The following CDC20B variants were observed in gnomAD, a reference collection of about 807,000 sequenced individuals.
CDC20B encodes the protein cell division cycle protein 20 homolog B.
In CDC20B, 58 loss-of-function variants were observed where a neutral mutation model predicts 64.1. That is an observed-to-expected ratio of 0.90 (90% CI 0.73 to 1.13). The LOEUF is 1.13. Among genes scored for constraint, CDC20B ranks in the 50% most tolerant of loss-of-function variants. The pLI, the probability that CDC20B is intolerant of heterozygous loss-of-function variation, is 0.00. For missense variants in CDC20B, 597 were observed against 633.0 expected (o/e 0.94, Z 0.61); for synonymous variants, 243 against 230.6 (o/e 1.05, Z -0.49).
intron 2 of CDC20B, among the ~76,000 whole-genome samples, chr5:55,149,600 A>G (rs1743601391): frequency 6.6e-6 from 1 of 152,246 alleles, no homozygotes; most frequent in African/African-American, 2.4e-5. Flanking sequence ...GAAAGAAGCC[A>G]GACAGGAAAG....
At chr5:55,141,619 C>T (rs1465003109) in intron 4 of CDC20B, among the ~76,000 whole-genome samples, 1 of 152,188 alleles carries the variant, frequency 6.6e-6, no homozygotes, top group Non-Finnish European at 1.5e-5. Context: ...AGCCATGTTC[C>T]TTACACTCTG....
In CDC20B at chr5:55,120,429, G is replaced by A; in HGVS notation, c.1337C>T (p.Ser446Leu). Reference protein sequence around the residue: ...GKSIQTPSTNSQICSLIWLPK... With the variant: ...GKSIQTPSTNLQICSLIWLPK... ...AAGCCCAGAGGAGATATTAACCTGT[G>A]AGTTTGTGCTTGGGGTCTGGATGCT... The change falls in exon 10 of 12, where the codon TCA becomes TTA. Residue 446 changes from serine (S) to leucine (L), a missense_variant. Coordinates refer to ENST00000381375, the MANE Select transcript of CDC20B (RefSeq NM_001170402.1). The A allele has an allele frequency of 6.2e-7, 1 of 1,613,680 alleles. No homozygotes were observed. Among genetic ancestry groups the A allele is most frequent in the South Asian group, 1.1e-5 (1 of 91,072 alleles).
chr5:55,121,835 A>G (rs1040554930), intron 9 of CDC20B, among the ~76,000 whole-genome samples: 1 of 152,150 alleles, frequency 6.6e-6, no homozygotes, highest in African/African-American at 2.4e-5. Flanking sequence ...CTGTGTATTT[A>G]TGTTCCTCTA....
chr5:55,122,958 A>G (rs192285730), intron 9 of CDC20B, among the ~76,000 whole-genome samples: 1 of 152,352 alleles, frequency 6.6e-6, no homozygotes, highest in African/African-American at 2.4e-5. Flanking sequence ...AAGATAATGA[A>G]ATGATTATTG....
At chr5:55,145,300 T>C (rs1053743938) in intron 3 of CDC20B, among the ~76,000 whole-genome samples, 10 of 152,228 alleles carry the variant, frequency 6.6e-5, no homozygotes, top group African/African-American at 1.4e-4. Flanking sequence ...GGAATTTCAT[T>C]GATTTGAAAA....
chr5:55,173,176 G>A lies in CDC20B; in HGVS notation c.-176C>T, dbSNP rs1744684352. The stretch of plus-strand genomic sequence containing the variant: ...GTCCCCCACTCCTCCCACCGCCGCT[G>A]CAAGGTGTTCCCCAGGGTACCATTT... On this transcript the variant is annotated 5_prime_UTR_variant, in exon 1 of 12. Transcript: ENST00000381375. The A allele has an allele frequency of 1.7e-5, 10 of 588,608 alleles. No homozygotes were observed. In the South Asian group the frequency reaches 1.8e-4, roughly 11 times the overall value. The allele number at this position is 588,608 out of a possible 1,614,324, so 36.5% of individuals were successfully genotyped here. A position where few individuals can be genotyped will look rare whatever the true frequency, so the allele number is the denominator to read the frequency against.
chr5:55,134,459 G>A (rs1055805739), intron 5 of CDC20B, among the ~76,000 whole-genome samples: 3 of 152,092 alleles, frequency 2.0e-5, no homozygotes, highest in African/African-American at 7.2e-5. Flanking sequence ...AATACCCAAA[G>A]AATGAACAAA....
At chr5:55,154,714 C>T (rs894542654) in intron 2 of CDC20B, among the ~76,000 whole-genome samples, 4 of 152,114 alleles carry the variant, frequency 2.6e-5, no homozygotes, top group African/African-American at 9.7e-5. Flanking sequence ...CTCTCAGTCC[C>T]TGCACTAGGG....
At chr5:55,152,821 C>T (rs1320785454) in intron 2 of CDC20B, among the ~76,000 whole-genome samples, 1 of 152,026 alleles carries the variant, frequency 6.6e-6, no homozygotes, top group African/African-American at 2.4e-5. Context: ...ATCTAGAAAC[C>T]CCATAATGAA....
At chr5:55,122,383 T>C (rs921855801) in intron 9 of CDC20B, among the ~76,000 whole-genome samples, 1 of 151,976 alleles carries the variant, frequency 6.6e-6, no homozygotes, top group Non-Finnish European at 1.5e-5. Context: ...GCGATCCACC[T>C]ACCTCAGCCT....
chr5:55,119,442 T>C (rs1030535684), intron 11 of CDC20B, among the ~76,000 whole-genome samples: 46 of 152,320 alleles, frequency 3.0e-4, no homozygotes, highest in African/African-American at 1.0e-3. Flanking sequence ...TGACACATAA[T>C]GTCTTGCCCT....
rs777145572 is a variant in CDC20B at position 55,114,270 on chromosome 5, C to A, written c.1508G>T (p.Arg503Leu). The stretch of plus-strand genomic sequence containing the variant: ...CCCATCAGCTGCAGCAGAAAACACC[C>A]GGGTCTGGTCTGGACTCAAAGACAG... ...LHLSLSPDQT[R>L]VFSAAADGTA... The change falls in exon 12 of 12, where the codon CGG becomes CTG. Residue 503 changes from arginine to leucine, a missense_variant. Physicochemically the swap from Arg to Leu is moderately radical, Grantham distance 102. Transcript: ENST00000381375. This position sits in a 1 kb window ranked among gnomAD's most constrained non-coding sequence, Gnocchi z 4.1. The A allele has an allele frequency of 6.2e-7, 1 of 1,613,962 alleles. No individual in the cohort carries two copies. Among genetic ancestry groups the A allele is most frequent in the Admixed American group, 1.7e-5 (1 of 60,018 alleles).
At chr5:55,165,800 T>C (rs1385979363) in intron 2 of CDC20B, 1 of 152,228 alleles carries the variant, frequency 6.6e-6, no homozygotes, top group Non-Finnish European at 1.5e-5. Context: ...TTAAGTACCT[T>C]ATTTCAGTTT....
intron 2 of CDC20B, among the ~76,000 whole-genome samples, chr5:55,151,812 G>A (rs951956283): frequency 5.9e-5 from 9 of 152,212 alleles, no homozygotes; most frequent in Admixed American, 4.6e-4. Context: ...CCTTCCTCCC[G>A]ATTCCAAACT....
chr5:55,164,336 A>C (rs1744264343), intron 2 of CDC20B: 2 of 625,054 alleles, frequency 3.2e-6, no homozygotes, highest in Non-Finnish European at 4.9e-6. Context: ...GGAGTGCAGT[A>C]GTGCGTTCTC....
At chr5:55,159,768 C>T (rs772475010) in intron 2 of CDC20B, among the ~76,000 whole-genome samples, 2 of 152,134 alleles carry the variant, frequency 1.3e-5, no homozygotes, top group Non-Finnish European at 2.9e-5. Flanking sequence ...ATGAGTAGGT[C>T]ACATTTAATC....
intron 4 of CDC20B, among the ~76,000 whole-genome samples, chr5:55,142,291 G>A (rs1006375145): frequency 2.0e-5 from 3 of 149,148 alleles, no homozygotes; most frequent in African/African-American, 4.9e-5. Context: ...GAAAGACCTC[G>A]CTTTGAGTCT....
chr5:55,130,797 A>G (rs552828652), intron 6 of CDC20B, among the ~76,000 whole-genome samples: 3 of 152,302 alleles, frequency 2.0e-5, no homozygotes, highest in Non-Finnish European at 4.4e-5. Context: ...AACGTTTACA[A>G]TTGGATGGTT....
intron 10 of CDC20B, 50 bp downstream of exon 10, chr5:55,120,375 C>T: frequency 6.2e-7 from 1 of 1,608,890 alleles, no homozygotes; most frequent in South Asian, 1.1e-5. Context: ...ACTATTTTCA[C>T]AAGATTCCAG....
Sources: gnomAD v4.1 joint callset for allele counts (sites outside exome capture counted in the v4.1 genomes callset) on GRCh38, gnomAD v4.1.1 for gene constraint, Gnocchi (gnomAD v3.1) non-coding constraint, MANE v1.5 for transcripts, NCBI Gene and HGNC (gene_info 2026-07-23, HGNC 2026-07-21) for gene names.